The following GFRA2 variants were observed in gnomAD, a reference collection of about 807,000 sequenced individuals.
GFRA2 encodes GDNF family receptor alpha-2.
Under a neutral mutation model 48.3 loss-of-function variants are expected in GFRA2, and 17 were observed. That is an observed-to-expected ratio of 0.35 (90% CI 0.24 to 0.53). The LOEUF (loss-of-function observed/expected upper bound fraction) is 0.53, where lower values mean the gene tolerates loss of function less well. Among genes scored for constraint, GFRA2 ranks in the 20% least tolerant of loss-of-function variants. The probability of loss-of-function intolerance (pLI) is 0.93; values close to 1 mark genes in which losing one functional copy is unlikely to be tolerated. For missense variants in GFRA2, 660 were observed against 637.3 expected (o/e 1.04, Z -0.38); for synonymous variants, 305 against 257.2 (o/e 1.19, Z -1.78).
intron 7 of GFRA2, among the ~76,000 whole-genome samples, chr8:21,695,547 G>C (rs1405865414): frequency 6.6e-6 from 1 of 152,182 alleles, no homozygotes; most frequent in African/African-American, 2.4e-5. Context: ...CAATGGTGGA[G>C]ATAGGACCAC....
chr8:21,701,560 C>A (rs1802481783), intron 7 of GFRA2, among the ~76,000 whole-genome samples: 1 of 152,176 alleles, frequency 6.6e-6, no homozygotes, highest in South Asian at 2.1e-4. Flanking sequence ...CTGTCCTGCC[C>A]AGACTGACTT....
rs201860512 is a variant in GFRA2 at position 21,704,970 on chromosome 8, A to G, written c.1045+15T>C. The G allele has an allele frequency of 1.9e-4, 300 of 1,602,106 alleles. 1 individual carries two copies. The African/African-American group carries it at 3.3e-3, about 18-fold the overall frequency. ...GGAGGGGCTGCTGGGGTTGGGGAGA[A>G]CATCCAGAACTTACGGAGGCATGGG... On this transcript the variant is annotated intron_variant, in intron 6 of 8. Coordinates refer to ENST00000524240, the MANE Select transcript of GFRA2 (RefSeq NM_001495.5).
chr8:21,766,973 ATAC>A (rs1488810878), intron 3 of GFRA2, among the ~76,000 whole-genome samples: 2 of 139,934 alleles, frequency 1.4e-5, no homozygotes, highest in Middle Eastern at 3.5e-3. Context: ...ACATTACCTC[ATAC>A]ACTTACTACA....
intron 4 of GFRA2, among the ~76,000 whole-genome samples, chr8:21,721,652 C>T (rs28533462): frequency 0.076 from 11,609 of 152,224 alleles, 1,462 homozygotes; most frequent in African/African-American, 0.26. Flanking sequence ...TGGCTGTATA[C>T]CTGTTTATGA....
chr8:21,803,147 C>T (rs1000536208), intron 2 of GFRA2, among the ~76,000 whole-genome samples: 29 of 152,204 alleles, frequency 1.9e-4, no homozygotes, highest in Non-Finnish European at 2.8e-4. Flanking sequence ...CTGCTCCACA[C>T]GGTCACTCAG....
chr8:21,701,933 G>C (rs1802500286), intron 7 of GFRA2, among the ~76,000 whole-genome samples: 1 of 152,160 alleles, frequency 6.6e-6, no homozygotes, highest in South Asian at 2.1e-4. Context: ...GGAGTCCTGG[G>C]AAGGTTGCCA....
At position 21,756,397 on chromosome 8, in the gene GFRA2, G is replaced by A. The variant is rs560082044; in HGVS notation, c.440-5455C>T. Among the ~76,000 whole-genome samples, 14 of 152,292 alleles carry A rather than the reference G, an allele frequency of 9.2e-5. No homozygotes were observed. In the South Asian group the frequency reaches 2.1e-3, roughly 23 times the overall value. On this transcript the variant is annotated intron_variant, in intron 3 of 8. Transcript: ENST00000524240. ...ACCGGGTTTGAGTGGGCCGGATGACGGGAGAAAAGACCCCAGGAGCGGGCC... is the reference window on the plus strand; with the variant it reads ...ACCGGGTTTGAGTGGGCCGGATGACAGGAGAAAAGACCCCAGGAGCGGGCC...
intron 3 of GFRA2, among the ~76,000 whole-genome samples, chr8:21,769,817 G>A (rs1014063534): frequency 2.0e-5 from 3 of 152,266 alleles, no homozygotes; most frequent in Admixed American, 6.5e-5. Flanking sequence ...CTCAGAGGCC[G>A]TATGCAAGGC....
chr8:21,759,123 G>A (rs968218574), intron 3 of GFRA2, among the ~76,000 whole-genome samples: 2 of 152,152 alleles, frequency 1.3e-5, no homozygotes, highest in African/African-American at 2.4e-5. Context: ...GGCCGCAGTG[G>A]CTCACACCTG....
rs570604278 is a variant in GFRA2, at chr8:21,729,649, G to A, written c.794+20939C>T. ...TCCACAGACACACACAGACAAGCTC[G>A]CAGGGAAATCCCTTTCTCAAGCCCA... is the stretch of plus-strand genomic sequence containing the variant. On this transcript the variant is annotated intron_variant, in intron 4 of 8. Coordinates refer to ENST00000524240, the MANE Select transcript of GFRA2 (RefSeq NM_001495.5). Among the ~76,000 whole-genome samples, 11 of 152,254 alleles carry A rather than the reference G, an allele frequency of 7.2e-5. No individual in the cohort carries two copies. In the South Asian group the frequency reaches 2.1e-3, roughly 29 times the overall value.
At chr8:21,739,080 G>A (rs1804624871) in intron 4 of GFRA2, among the ~76,000 whole-genome samples, 1 of 152,210 alleles carries the variant, frequency 6.6e-6, no homozygotes, top group African/African-American at 2.4e-5. Flanking sequence ...CCCCATGGAT[G>A]GAGGGAAGAA....
intron 3 of GFRA2, among the ~76,000 whole-genome samples, chr8:21,763,834 G>T (rs1288796425): frequency 6.6e-6 from 1 of 151,222 alleles, no homozygotes; most frequent in Non-Finnish European, 1.5e-5. Context: ...AACCCCCTGA[G>T]CTCCTCAGCC....
intron 4 of GFRA2, among the ~76,000 whole-genome samples, chr8:21,724,373 G>GT (rs1231231849): frequency 6.6e-6 from 1 of 152,146 alleles, no homozygotes; most frequent in Non-Finnish European, 1.5e-5. Context: ...CAGATTCCCA[G>GT]TATTGCCACG....
intron 3 of GFRA2, among the ~76,000 whole-genome samples, chr8:21,764,540 C>A (rs1252290912): frequency 6.6e-6 from 1 of 152,206 alleles, no homozygotes; most frequent in Non-Finnish European, 1.5e-5. Flanking sequence ...GCCTTGTCAC[C>A]CACCAGTGAC....
chr8:21,739,119 G>A (rs1804627121), intron 4 of GFRA2, among the ~76,000 whole-genome samples: 1 of 152,186 alleles, frequency 6.6e-6, no homozygotes, highest in African/African-American at 2.4e-5. Flanking sequence ...GGTTCCTCCT[G>A]GACTCAGAGA....
intron 2 of GFRA2, among the ~76,000 whole-genome samples, chr8:21,782,019 G>T (rs1807017517): frequency 6.6e-6 from 1 of 152,194 alleles, no homozygotes; most frequent in Non-Finnish European, 1.5e-5. Flanking sequence ...TGTCCTGGAA[G>T]CAGGGAGGCA....
At chr8:21,703,889 C>T (rs1013188554) in intron 6 of GFRA2, among the ~76,000 whole-genome samples, 7 of 152,254 alleles carry the variant, frequency 4.6e-5, no homozygotes, top group African/African-American at 1.7e-4. Flanking sequence ...TTCACTCTGA[C>T]TCCCGCTGCC....
At chr8:21,767,148 A>G (rs1806205755) in intron 3 of GFRA2, among the ~76,000 whole-genome samples, 1 of 131,298 alleles carries the variant, frequency 7.6e-6, no homozygotes, top group Non-Finnish European at 1.7e-5. Flanking sequence ...CACCACACAC[A>G]TGCATCACAT....
Position 21,702,841 on chromosome 8 carries a change from C to G in GFRA2, c.1182G>C (p.Leu394Phe). 6.2e-7 allele frequency: 1 copy of G among 1,609,940 alleles called. No homozygotes were observed. Among genetic ancestry groups the G allele is most frequent in the Non-Finnish European group, 8.5e-7 (1 of 1,177,848 alleles). Residue 394 changes from leucine (L) to phenylalanine (F), a missense_variant, in exon 7 of 9, where the codon TTG (leucine) becomes TTC (phenylalanine). By Grantham distance (22) the Leu-to-Phe change is conservative (BLOSUM62 0). Coordinates refer to ENST00000524240, the MANE Select transcript of GFRA2 (RefSeq NM_001495.5). ...TGCAGGTGGTGATGACACTGGTCCC[C>G]AAGCTGGTACTGTCACTGAGGTCAT... ...LPDDLSDSTS[L>F]GTSVITTCTS...
Sources: gnomAD v4.1 joint callset for allele counts (sites outside exome capture counted in the v4.1 genomes callset) on GRCh38, gnomAD v4.1.1 for gene constraint, MANE v1.5 for transcripts, NCBI Gene and HGNC (gene_info 2026-07-23, HGNC 2026-07-21) for gene names.